Variants in SLC35F4 observed in about 807,000 individuals in gnomAD.
SLC35F4 encodes the protein chromosome 14 open reading frame 36.
SLC35F4 carries 24 observed loss-of-function variants against 44.2 expected under a neutral mutation model. That is an observed-to-expected ratio of 0.54 (90% confidence interval 0.39 to 0.76). The LOEUF (loss-of-function observed/expected upper bound fraction) is 0.76, where lower values mean the gene tolerates loss of function less well. SLC35F4 is among the 30% of genes least tolerant of loss of function. The pLI, the probability that SLC35F4 is intolerant of heterozygous loss-of-function variation, is 0.00. For synonymous variants in SLC35F4, 238 were observed against 223.6 expected (o/e 1.06, Z -0.57); for missense variants, 562 against 586.1 (o/e 0.96, Z 0.42).
chr14:57,665,609 C>T (rs760711788), intron 1 of SLC35F4, among the ~76,000 whole-genome samples: 2 of 152,182 alleles, frequency 1.3e-5, no homozygotes, highest in East Asian at 3.8e-4. Flanking sequence ...TACCCTTCAA[C>T]CCAGCAATCC....
At chr14:57,880,834 T>C (rs947826332) in intron 1 of SLC35F4, among the ~76,000 whole-genome samples, 1 of 152,162 alleles carries the variant, frequency 6.6e-6, no homozygotes, top group African/African-American at 2.4e-5. Context: ...CAGAGCAGAC[T>C]CCTCGAAGAG....
chr14:57,620,493 G>C (rs2072118130), intron 1 of SLC35F4, among the ~76,000 whole-genome samples: 4 of 152,182 alleles, frequency 2.6e-5, no homozygotes, highest in Non-Finnish European at 5.9e-5. Context: ...CAAATGCTGA[G>C]AGATTCTGTC....
At chr14:57,815,967 T>C (rs1882521484) in intron 1 of SLC35F4, among the ~76,000 whole-genome samples, 1 of 152,140 alleles carries the variant, frequency 6.6e-6, no homozygotes, top group African/African-American at 2.4e-5. Context: ...GGCAAAAACC[T>C]ATTGATAAAG....
At chr14:57,606,290 T>A (rs1027772790) in intron 1 of SLC35F4, among the ~76,000 whole-genome samples, 3 of 152,174 alleles carry the variant, frequency 2.0e-5, no homozygotes, top group Admixed American at 6.5e-5. Context: ...GCATTAAGAC[T>A]GCAAGACTAC....
chr14:57,906,244 A>G (rs1232453510), intron 1 of SLC35F4, among the ~76,000 whole-genome samples: 1 of 152,228 alleles, frequency 6.6e-6, no homozygotes, highest in Non-Finnish European at 1.5e-5. Flanking sequence ...GATGACTGCC[A>G]CTTACAATTT....
rs562412404 is a variant in SLC35F4 at position 57,776,987 on chromosome 14, A to T, written c.103+88736T>A. On this transcript the variant is annotated intron_variant, in intron 1 of 7. Transcript: ENST00000556826. ...GGAAAGATGGTTATCAGCCACTAAA[A>T]AACACACTTAAGTACACAGATCAGT... Among the ~76,000 whole-genome samples, 42 of 152,366 alleles carry T rather than the reference A, an allele frequency of 2.8e-4. 1 individual carries two copies. The highest frequency in any genetic ancestry group is 2.0e-3 in the Admixed American group (30 of 15,304).
At chr14:57,740,107 G>A (rs902349797) in intron 1 of SLC35F4, among the ~76,000 whole-genome samples, 4 of 152,042 alleles carry the variant, frequency 2.6e-5, no homozygotes, top group South Asian at 2.1e-4. Context: ...TGATCCACCT[G>A]CCCTGGCCTC....
chr14:57,614,425 A>C (rs1293640885), intron 1 of SLC35F4, among the ~76,000 whole-genome samples: 1 of 152,232 alleles, frequency 6.6e-6, no homozygotes, highest in Non-Finnish European at 1.5e-5. Context: ...TCTTCAGTAC[A>C]GGTAACCCAT....
chr14:57,706,929 A>ATC (rs977019591), intron 1 of SLC35F4, among the ~76,000 whole-genome samples: 9 of 152,168 alleles, frequency 5.9e-5, no homozygotes, highest in African/African-American at 1.2e-4. Context: ...TTCTGAAAAG[A>ATC]TCTCTCTCTC....
chr14:57,895,053 G>A (rs1242784455), intron 1 of SLC35F4, among the ~76,000 whole-genome samples: 1 of 152,134 alleles, frequency 6.6e-6, no homozygotes, highest in African/African-American at 2.4e-5. Flanking sequence ...AACATAGGTG[G>A]AAGCTATAGA....
intron 1 of SLC35F4, among the ~76,000 whole-genome samples, chr14:57,780,715 A>G (rs2077597420): frequency 6.6e-6 from 1 of 152,196 alleles, no homozygotes; most frequent in South Asian, 2.1e-4. Flanking sequence ...CTAAAACAGC[A>G]TGGTACTGGT....
intron 1 of SLC35F4, among the ~76,000 whole-genome samples, chr14:57,822,831 C>G (rs1251853974): frequency 6.6e-6 from 1 of 152,106 alleles, no homozygotes; most frequent in Non-Finnish European, 1.5e-5. Context: ...TGGCTTTCTC[C>G]TCTTATGTCA....
intron 1 of SLC35F4, among the ~76,000 whole-genome samples, chr14:57,849,614 G>C (rs970005033): frequency 6.6e-6 from 1 of 152,076 alleles, no homozygotes; most frequent in African/African-American, 2.4e-5. Context: ...ATTTTTAAGA[G>C]AAATATTCAG....
At chr14:57,813,612 A>T (rs1297786312) in intron 1 of SLC35F4, among the ~76,000 whole-genome samples, 1 of 152,206 alleles carries the variant, frequency 6.6e-6, no homozygotes, top group Non-Finnish European at 1.5e-5. Flanking sequence ...AAAGTATTTT[A>T]TAAGTATTAA....
chr14:57,734,128 TG>T (rs1320023525), intron 1 of SLC35F4, among the ~76,000 whole-genome samples: 2 of 152,144 alleles, frequency 1.3e-5, no homozygotes, highest in East Asian at 3.9e-4. Context: ...GCCCCATCCC[TG>T]GGAACATTGA....
chr14:57,669,210 T>A (rs1440914957), intron 1 of SLC35F4, among the ~76,000 whole-genome samples: 1 of 151,972 alleles, frequency 6.6e-6, no homozygotes, highest in African/African-American at 2.4e-5. Context: ...AAGTTGCTTA[T>A]CAGCTTAAGG....
chr14:57,616,976 GA>G (rs1555361634), intron 1 of SLC35F4, among the ~76,000 whole-genome samples: 1 of 151,860 alleles, frequency 6.6e-6, no homozygotes, highest in Non-Finnish European at 1.5e-5. Context: ...TATACATTAT[GA>G]AAATGTGGTT....
intron 1 of SLC35F4, among the ~76,000 whole-genome samples, chr14:57,686,043 C>T (rs944742263): frequency 3.9e-5 from 6 of 152,096 alleles, no homozygotes; most frequent in African/African-American, 1.4e-4. Context: ...TGCTCAAGGA[C>T]CTTTTGTGGT....
At chr14:57,685,858 G>A (rs1027881449) in intron 1 of SLC35F4, among the ~76,000 whole-genome samples, 8 of 152,144 alleles carry the variant, frequency 5.3e-5, no homozygotes, top group African/African-American at 1.7e-4. Context: ...GCTGCATACT[G>A]CCCACCAGAA....
Sources: gnomAD v4.1 joint callset for allele counts (sites outside exome capture counted in the v4.1 genomes callset) on GRCh38, gnomAD v4.1.1 for gene constraint, MANE v1.5 for transcripts, NCBI Gene and HGNC (gene_info 2026-07-23, HGNC 2026-07-21) for gene names.